PDE4B: variants seen among roughly 807,000 people sequenced by gnomAD.
The protein encoded by PDE4B is phosphodiesterase 4B.
In PDE4B, 20 loss-of-function variants were observed where a neutral mutation model predicts 82.2. That is an observed-to-expected ratio of 0.24 (90% CI 0.17 to 0.35). The LOEUF (loss-of-function observed/expected upper bound fraction) is 0.35, where lower values mean the gene tolerates loss of function less well. Ranked by LOEUF, PDE4B falls within the 10% of genes least tolerant of loss-of-function variation. The pLI is 1.00. For synonymous variants in PDE4B, 320 were observed against 318.9 expected (o/e 1.00, Z -0.04); for missense variants, 655 against 907.2 (o/e 0.72, Z 3.57).
intron 3 of PDE4B, among the ~76,000 whole-genome samples, chr1:65,983,892 C>T (rs776998389): frequency 7.9e-5 from 12 of 151,960 alleles, no homozygotes; most frequent in Admixed American, 6.6e-5. Flanking sequence ...GATAGTTGAA[C>T]GAGTATAGTT....
At chr1:65,800,019 A>G (rs1264028292) in intron 1 of PDE4B, among the ~76,000 whole-genome samples, 1 of 152,174 alleles carries the variant, frequency 6.6e-6, no homozygotes, top group African/African-American at 2.4e-5. Context: ...AATTTCACCT[A>G]TATCAAATGT....
At chr1:66,025,277 A>G (rs1653372283) in intron 3 of PDE4B, among the ~76,000 whole-genome samples, 1 of 152,154 alleles carries the variant, frequency 6.6e-6, no homozygotes, top group Non-Finnish European at 1.5e-5. Context: ...GAAGTAATTT[A>G]TGAAAAACAA....
At chr1:66,346,884 A>G (rs1445046981) in intron 8 of PDE4B, among the ~76,000 whole-genome samples, 2 of 152,168 alleles carry the variant, frequency 1.3e-5, no homozygotes, top group Admixed American at 6.5e-5. Context: ...GCCACTTCAC[A>G]TATGTTATTC....
chr1:66,330,663 G>A, intron 7 of PDE4B: 12 of 486,526 alleles, frequency 2.5e-5, no homozygotes, highest in Non-Finnish European at 3.2e-5. Flanking sequence ...CTTTATTAGA[G>A]GCAGGGAATG....
chr1:66,346,599 A>T, intron 8 of PDE4B, among the ~76,000 whole-genome samples: 1 of 152,160 alleles, frequency 6.6e-6, no homozygotes, highest in East Asian at 1.9e-4. Flanking sequence ...TCTATGAGTA[A>T]CTCATGTGTC....
At chr1:66,238,556 C>T (rs1053967012) in intron 3 of PDE4B, among the ~76,000 whole-genome samples, 2 of 152,030 alleles carry the variant, frequency 1.3e-5, no homozygotes, top group Admixed American at 6.6e-5. Flanking sequence ...ATTTTAATGC[C>T]GTGGTGGAAA....
intron 3 of PDE4B, among the ~76,000 whole-genome samples, chr1:66,128,957 G>T (rs1356941487): frequency 6.6e-6 from 1 of 152,192 alleles, no homozygotes; most frequent in Non-Finnish European, 1.5e-5. Context: ...GGAATTATGG[G>T]AGCTACAATC....
At chr1:65,867,060 A>C (rs1181487173) in intron 1 of PDE4B, among the ~76,000 whole-genome samples, 2 of 152,188 alleles carry the variant, frequency 1.3e-5, no homozygotes, top group Admixed American at 6.5e-5. Context: ...TGAAAGGAGG[A>C]TATAAAATGA....
At chr1:66,030,867 C>A (rs1328360175) in intron 3 of PDE4B, among the ~76,000 whole-genome samples, 1 of 152,120 alleles carries the variant, frequency 6.6e-6, no homozygotes, top group East Asian at 1.9e-4. Flanking sequence ...GAACAGAAAA[C>A]CAAAAACTGC....
intron 3 of PDE4B, among the ~76,000 whole-genome samples, chr1:66,021,368 G>A (rs1653096770): frequency 6.6e-6 from 1 of 152,186 alleles, no homozygotes; most frequent in African/African-American, 2.4e-5. Flanking sequence ...TGCTTTTGGT[G>A]TTTTAGTCAT....
chr1:66,006,501 C>T (rs971050929), intron 3 of PDE4B, among the ~76,000 whole-genome samples: 1 of 152,012 alleles, frequency 6.6e-6, no homozygotes, highest in African/African-American at 2.4e-5. Flanking sequence ...ATTCCAACCA[C>T]TTGGGAGGCT....
chr1:66,061,078 A>C (rs1007619330), intron 3 of PDE4B, among the ~76,000 whole-genome samples: 1 of 151,680 alleles, frequency 6.6e-6, no homozygotes, highest in African/African-American at 2.4e-5. Context: ...AATCTCTAGA[A>C]CACGTTCTTT....
chr1:66,030,769 G>A (rs569792094), intron 3 of PDE4B, among the ~76,000 whole-genome samples: 2 of 152,288 alleles, frequency 1.3e-5, no homozygotes, highest in East Asian at 1.9e-4. Context: ...CATGGAATAC[G>A]ATGCAGCCTT....
chr1:66,098,684 A>C (rs1645162530), intron 3 of PDE4B, among the ~76,000 whole-genome samples: 1 of 152,136 alleles, frequency 6.6e-6, no homozygotes, highest in Admixed American at 6.6e-5. Flanking sequence ...TTAACATTCA[A>C]GAAAGAAAGT....
At chr1:66,077,161 C>T (rs1656476177) in intron 3 of PDE4B, among the ~76,000 whole-genome samples, 1 of 152,024 alleles carries the variant, frequency 6.6e-6, no homozygotes, top group Admixed American at 6.6e-5. Context: ...ACATTTAAGT[C>T]TTTAATCCAT....
chr1:65,834,968 C>G (rs1157557971), intron 1 of PDE4B, among the ~76,000 whole-genome samples: 1 of 152,160 alleles, frequency 6.6e-6, no homozygotes, highest in African/African-American at 2.4e-5. Context: ...ACCAGCACAC[C>G]ACTCTATCCA....
At position 66,367,751 on chromosome 1, in the gene PDE4B, T is replaced by G; in HGVS notation, c.1440T>G (p.Leu480=). 6.2e-7 allele frequency: 1 copy of G among 1,613,810 alleles called. No homozygotes were observed. Among genetic ancestry groups the G allele is most frequent in the East Asian group, 2.2e-5 (1 of 44,874 alleles). ...NDESVLENHH[L]AVGFKLLQEE... is the part of the protein sequence containing the mutation. ...AATCTGTGTTGGAAAATCATCACCT[T>G]GCTGTGGGTTTCAAACTGCTGCAAG... The change falls in exon 14 of 17, where the codon CTT becomes CTG. Residue 480 remains leucine, a synonymous_variant. Transcript: ENST00000341517.
chr1:65,971,669 G>A (rs1034601974), intron 3 of PDE4B, among the ~76,000 whole-genome samples: 5 of 152,254 alleles, frequency 3.3e-5, no homozygotes, highest in African/African-American at 4.8e-5. Flanking sequence ...AACTATTTCC[G>A]AAGTAGAATA....
chr1:66,254,114 A>T (rs910192070), intron 4 of PDE4B, among the ~76,000 whole-genome samples: 1 of 152,232 alleles, frequency 6.6e-6, no homozygotes, highest in African/African-American at 2.4e-5. Flanking sequence ...GAGTCATAGA[A>T]GATGCACTTA....
Sources: allele counts gnomAD v4.1 joint callset (sites outside exome capture counted in the v4.1 genomes callset), GRCh38; gene constraint gnomAD v4.1.1; transcripts MANE v1.5; gene names NCBI Gene and HGNC (gene_info 2026-07-23, HGNC 2026-07-21).